CEP128: variants seen among roughly 807,000 people sequenced by gnomAD.
CEP128 encodes centrosomal protein 128.
Under a neutral mutation model 156.7 loss-of-function variants are expected in CEP128, and 132 were observed. That is an observed-to-expected ratio of 0.84 (90% CI 0.73 to 0.97). CEP128 has a LOEUF of 0.97. Among genes scored for constraint, CEP128 ranks in the 50% least tolerant of loss-of-function variants. The pLI, the probability that CEP128 is intolerant of heterozygous loss-of-function variation, is 0.00. For missense variants in CEP128, 1,252 were observed against 1,281.9 expected (o/e 0.98, Z 0.36); for synonymous variants, 469 against 448.9 (o/e 1.04, Z -0.57).
At chr14:80,501,832 C>G (rs1330265347) in intron 24 of CEP128, among the ~76,000 whole-genome samples, 1 of 151,826 alleles carries the variant, frequency 6.6e-6, no homozygotes, top group East Asian at 1.9e-4. Context: ...GGCTTCGACA[C>G]CTGCCCAAAT....
At chr14:80,658,330 T>C (rs1464915616) in intron 19 of CEP128, among the ~76,000 whole-genome samples, 1 of 152,184 alleles carries the variant, frequency 6.6e-6, no homozygotes, top group Non-Finnish European at 1.5e-5. Flanking sequence ...TTTCAGGCTT[T>C]ACTGCCCTAT....
intron 18 of CEP128, among the ~76,000 whole-genome samples, chr14:80,754,510 T>G (rs2139653766): frequency 7.0e-6 from 1 of 143,368 alleles, no homozygotes; most frequent in Admixed American, 7.0e-5. Context: ...GTCACCAGAA[T>G]GGGGTGCAGT....
intron 21 of CEP128, among the ~76,000 whole-genome samples, chr14:80,547,852 G>A (rs1263801496): frequency 6.7e-6 from 1 of 149,158 alleles, no homozygotes; most frequent in African/African-American, 2.5e-5. Flanking sequence ...AAGCTGGAGT[G>A]CAATGGCACG....
At chr14:80,647,943 A>G (rs1595147235) in intron 19 of CEP128, among the ~76,000 whole-genome samples, 1 of 152,184 alleles carries the variant, frequency 6.6e-6, no homozygotes, top group Non-Finnish European at 1.5e-5. Flanking sequence ...AGTATATGGA[A>G]AATTATATTT....
chr14:80,507,919 TTTTG>T (rs1363673675), intron 23 of CEP128, among the ~76,000 whole-genome samples: 1 of 152,206 alleles, frequency 6.6e-6, no homozygotes, highest in East Asian at 1.9e-4. Context: ...ATTTAATTTT[TTTTG>T]TTTATTTTTG....
intron 19 of CEP128, among the ~76,000 whole-genome samples, chr14:80,711,028 T>C (rs1358427088): frequency 1.3e-5 from 2 of 152,152 alleles, no homozygotes; most frequent in African/African-American, 2.4e-5. Context: ...AGAAACAGTA[T>C]AGCAGCTAAA....
chr14:80,566,895 T>C (rs1233660570), intron 20 of CEP128, among the ~76,000 whole-genome samples: 1 of 121,470 alleles, frequency 8.2e-6, no homozygotes, highest in Non-Finnish European at 1.7e-5. Context: ...GTCTGAAAAG[T>C]TGTCAAGGAA....
intron 8 of CEP128, among the ~76,000 whole-genome samples, chr14:80,879,997 C>A (rs1322812934): frequency 6.6e-6 from 1 of 152,156 alleles, no homozygotes; most frequent in African/African-American, 2.4e-5. Context: ...AGGATTATCA[C>A]TTTGAAACCT....
At chr14:80,807,662 A>C (rs1884257182) in intron 13 of CEP128, among the ~76,000 whole-genome samples, 1 of 152,202 alleles carries the variant, frequency 6.6e-6, no homozygotes, top group African/African-American at 2.4e-5. Flanking sequence ...CTTTATCCAC[A>C]TGAACCCTAA....
At chr14:80,748,888 C>T (rs1205418511) in intron 18 of CEP128, among the ~76,000 whole-genome samples, 1 of 152,178 alleles carries the variant, frequency 6.6e-6, no homozygotes, top group Non-Finnish European at 1.5e-5. Flanking sequence ...AGCATTTCTA[C>T]ACTCACCCTA....
chr14:80,945,400 A>ATT (rs1307857238), upstream of CEP128, among the ~76,000 whole-genome samples: 1 of 152,208 alleles, frequency 6.6e-6, no homozygotes, highest in African/African-American at 2.4e-5. Context: ...CCTATTCAGG[A>ATT]TTAGTGTCAT....
chr14:80,513,226 G>A (rs1888338798), intron 23 of CEP128, among the ~76,000 whole-genome samples: 1 of 152,014 alleles, frequency 6.6e-6, no homozygotes, highest in African/African-American at 2.4e-5. Context: ...ACATGTGAAG[G>A]ATATTTTTCC....
intron 19 of CEP128, among the ~76,000 whole-genome samples, chr14:80,625,730 T>TTTCC (rs546499252): frequency 2.0e-5 from 3 of 151,830 alleles, no homozygotes; most frequent in Non-Finnish European, 2.9e-5. Flanking sequence ...CCCTTCCCCT[T>TTTCC]TTCCTTCCTT....
At chr14:80,958,328 C>T (rs1886821479) in intron 1 of CEP128, 1 of 152,146 alleles carries the variant, frequency 6.6e-6, no homozygotes. Flanking sequence ...CTCAATGTTG[C>T]ACAGCTTGTA....
intron 19 of CEP128, among the ~76,000 whole-genome samples, chr14:80,609,927 C>G (rs1892930328): frequency 6.6e-6 from 1 of 152,056 alleles, no homozygotes; most frequent in Non-Finnish European, 1.5e-5. Context: ...GTACTCAACA[C>G]TGACTGCCCA....
intron 2 of CEP128, among the ~76,000 whole-genome samples, chr14:80,926,948 G>A (rs1245441370): frequency 6.6e-6 from 1 of 151,964 alleles, no homozygotes; most frequent in Non-Finnish European, 1.5e-5. Flanking sequence ...AAATCTCACA[G>A]AGTCTATGTC....
At chr14:80,749,191 C>A (rs1899260302) in intron 18 of CEP128, among the ~76,000 whole-genome samples, 1 of 152,208 alleles carries the variant, frequency 6.6e-6, no homozygotes, top group East Asian at 1.9e-4. Context: ...AAAGACTCTG[C>A]CTGGTAACCC....
chr14:80,610,725 T>G (rs1892960982), intron 19 of CEP128, among the ~76,000 whole-genome samples: 1 of 152,162 alleles, frequency 6.6e-6, no homozygotes, highest in Admixed American at 6.5e-5. Flanking sequence ...TAGTGCAAAA[T>G]GACTTATGCA....
chr14:80,914,472 T>C lies in CEP128; in HGVS notation c.148-64A>G, dbSNP rs1010595366. The C allele has an allele frequency of 4.1e-6, 5 of 1,214,440 alleles. No individual in the cohort carries two copies. In the East Asian group the frequency reaches 7.0e-5, roughly 17 times the overall value. The allele number at this position is 1,214,440 out of a possible 1,614,324, so 75.2% of individuals were successfully genotyped here. ...ACTTTTTTTTCCTAATCAATCTTAG[T>C]AGTATGTCAATCAACTAAGTCAACA... On this transcript the variant is annotated intron_variant, in intron 3 of 24. Coordinates refer to ENST00000555265, the MANE Select transcript of CEP128 (RefSeq NM_152446.5).
Sources: allele counts gnomAD v4.1 joint callset (sites outside exome capture counted in the v4.1 genomes callset), GRCh38; gene constraint gnomAD v4.1.1; transcripts MANE v1.5; gene names NCBI Gene and HGNC (gene_info 2026-07-23, HGNC 2026-07-21).